DNAJB14: variants seen among roughly 807,000 people sequenced by gnomAD.
DNAJB14 encodes dnaJ homolog subfamily B member 14.
A neutral mutation model predicts 48.4 loss-of-function variants in DNAJB14; 22 were observed. The ratio of observed to expected loss-of-function variants is 0.45; its 90% CI spans 0.32 to 0.65. The LOEUF is 0.65. DNAJB14 is among the 30% of genes least tolerant of loss of function. The probability of loss-of-function intolerance (pLI) is 0.03; values close to 1 mark genes in which losing one functional copy is unlikely to be tolerated. For missense variants in DNAJB14, 319 were observed against 458.8 expected (o/e 0.70, Z 2.78); for synonymous variants, 142 against 158.7 (o/e 0.89, Z 0.79).
chr4:99,912,501 C>CA (rs1284657393), intron 3 of DNAJB14, among the ~76,000 whole-genome samples: 3 of 149,840 alleles, frequency 2.0e-5, no homozygotes, highest in Non-Finnish European at 4.4e-5. Flanking sequence ...TTTTTTAAGA[C>CA]AGAGTTTTGC....
chr4:99,910,675 A>G (rs1003507855), intron 3 of DNAJB14, among the ~76,000 whole-genome samples: 4 of 151,932 alleles, frequency 2.6e-5, no homozygotes, highest in Admixed American at 2.6e-4. Flanking sequence ...GCCAGAGTAA[A>G]TTTCTATTCA....
At position 99,897,545 on chromosome 4, in the gene DNAJB14, CTTTG is replaced by C. The variant is rs1438026835; in HGVS notation, c.*3479_*3482del. 1.3e-5 allele frequency: 2 copies of C among 151,922 alleles called. No homozygotes were observed. The highest frequency in any genetic ancestry group is 3.9e-4 in the East Asian group (2 of 5,182). The allele number at this position is 151,922 out of a possible 1,614,324, so 9.4% of individuals were successfully genotyped here. On this transcript the variant is annotated 3_prime_UTR_variant, in exon 8 of 8. Transcript: ENST00000442697. ...TGAAAAGCCTCATTCTATCCTTTTT[CTTTG>C]TAACTAAAAATTAGAATTTAAAATG... is the stretch of plus-strand genomic sequence containing the variant.
intron 1 of DNAJB14, among the ~76,000 whole-genome samples, chr4:99,940,604 TA>T (rs1439725685): frequency 2.6e-5 from 4 of 151,848 alleles, no homozygotes; most frequent in Non-Finnish European, 5.9e-5. Flanking sequence ...AATAAATAAA[TA>T]AATAAAATAA....
chr4:99,905,770 T>TTGTCATACATTTTG, intron 5 of DNAJB14, 64 bp from the exon 6 acceptor site: 4 of 1,516,044 alleles, frequency 2.6e-6, no homozygotes, highest in Non-Finnish European at 3.6e-6. Flanking sequence ...AATACAACAG[T>TTGTCATACATTTTG]TGTCATACAT....
chr4:99,906,513 G>T lies in DNAJB14; in HGVS notation c.732+4C>A. On this transcript the variant is annotated splice_donor_region_variant and intron_variant, in intron 5 of 7. Coordinates refer to ENST00000442697, the MANE Select transcript of DNAJB14 (RefSeq NM_001031723.4). ...CATTTTGTGATTTCTAGTCATAAAC[G>T]TACATCTCCTCTTTCCTCTTCTCTT... 1.2e-6 allele frequency: 2 copies of T among 1,610,218 alleles called. No homozygotes were observed. The highest frequency in any genetic ancestry group is 1.3e-5 in the African/African-American group (1 of 74,852).
chr4:99,943,770 A>C (rs1430225820), intron 1 of DNAJB14, among the ~76,000 whole-genome samples: 1 of 152,186 alleles, frequency 6.6e-6, no homozygotes, highest in Non-Finnish European at 1.5e-5. Flanking sequence ...CTAGATAATG[A>C]CTAAATGAAA....
rs1293001349 is a variant in DNAJB14 at position 99,923,861 on chromosome 4, T to A, written c.306-676A>T. On this transcript the variant is annotated intron_variant, in intron 2 of 7. Coordinates refer to ENST00000442697, the MANE Select transcript of DNAJB14 (RefSeq NM_001031723.4). ...GCCATCCCCGTTATGCCAAAGATAATTTATCTGTATCACTCTCTGAAAAAG... is the reference window on the plus strand; with the variant it reads ...GCCATCCCCGTTATGCCAAAGATAAATTATCTGTATCACTCTCTGAAAAAG... 3 of 985,024 alleles carry A rather than the reference T, an allele frequency of 3.0e-6. No individual in the cohort carries two copies. The African/African-American group carries it at 5.2e-5, about 17-fold the overall frequency. 61.0% of individuals were successfully genotyped at this position (985,024 alleles called of 1,614,324 possible). A position where few individuals can be genotyped will look rare whatever the true frequency, so the allele number is the denominator to read the frequency against.
At chr4:99,927,444 A>T (rs901606771) in intron 2 of DNAJB14, 8 of 152,192 alleles carry the variant, frequency 5.3e-5, no homozygotes. Flanking sequence ...CTTAAATCAA[A>T]TCTTAAATTC....
At chr4:99,919,772 T>C (rs564224329) in intron 3 of DNAJB14, among the ~76,000 whole-genome samples, 1 of 152,262 alleles carries the variant, frequency 6.6e-6, no homozygotes, top group East Asian at 1.9e-4. Flanking sequence ...TTGGGAGAAA[T>C]GGGGAAAAGT....
intron 2 of DNAJB14, among the ~76,000 whole-genome samples, chr4:99,923,528 C>G (rs1195960540): frequency 6.6e-6 from 1 of 152,040 alleles, no homozygotes; most frequent in African/African-American, 2.4e-5. Context: ...TTTTTTAGTA[C>G]TTGTAAGTGG....
At chr4:99,933,781 C>T (rs543271782) in intron 1 of DNAJB14, among the ~76,000 whole-genome samples, 3 of 152,160 alleles carry the variant, frequency 2.0e-5, no homozygotes, top group South Asian at 2.1e-4. Context: ...CAGAGAAAAC[C>T]TCATGCACAA....
chr4:99,921,140 T>C (rs1216134354), intron 3 of DNAJB14, among the ~76,000 whole-genome samples: 3 of 152,220 alleles, frequency 2.0e-5, no homozygotes, highest in African/African-American at 7.2e-5. Context: ...TTCTATGCAG[T>C]TTCCACTCAG....
At chr4:99,935,471 C>A (rs1017085456) in intron 1 of DNAJB14, among the ~76,000 whole-genome samples, 8 of 152,132 alleles carry the variant, frequency 5.3e-5, no homozygotes, top group Non-Finnish European at 1.2e-4. Context: ...ATAAAACAGG[C>A]TTTAGGAATC....
intron 2 of DNAJB14, chr4:99,926,378 T>C (rs550760583): frequency 6.6e-6 from 1 of 152,264 alleles, no homozygotes; most frequent in South Asian, 2.1e-4. Context: ...TCAAATGTGA[T>C]GAATGCTGTC....
intron 3 of DNAJB14, among the ~76,000 whole-genome samples, chr4:99,910,716 AT>A (rs1379064091): frequency 6.6e-6 from 1 of 151,870 alleles, no homozygotes; most frequent in Non-Finnish European, 1.5e-5. Context: ...TATAATCAAG[AT>A]TTTTTTGCAG....
chr4:99,942,745 T>C (rs1358201091), intron 1 of DNAJB14, among the ~76,000 whole-genome samples: 1 of 152,062 alleles, frequency 6.6e-6, no homozygotes, highest in Non-Finnish European at 1.5e-5. Flanking sequence ...CTGGCAAAAA[T>C]AAAATTTTAA....
intron 1 of DNAJB14, among the ~76,000 whole-genome samples, chr4:99,932,778 A>G (rs1456830828): frequency 6.6e-6 from 1 of 152,232 alleles, no homozygotes; most frequent in East Asian, 1.9e-4. Flanking sequence ...ATATCCAGAC[A>G]ATGAAATATT....
chr4:99,917,977 G>A (rs1725915869), intron 3 of DNAJB14, among the ~76,000 whole-genome samples: 1 of 151,928 alleles, frequency 6.6e-6, no homozygotes, highest in South Asian at 2.1e-4. Flanking sequence ...ATCAGTTTGG[G>A]GTTCATTCAA....
intron 3 of DNAJB14, among the ~76,000 whole-genome samples, chr4:99,921,579 A>C (rs1726063141): frequency 6.6e-6 from 1 of 152,226 alleles, no homozygotes; most frequent in Non-Finnish European, 1.5e-5. Flanking sequence ...CAGATCACAA[A>C]CATACAAATA....
Sources: allele counts gnomAD v4.1 joint callset (sites outside exome capture counted in the v4.1 genomes callset), GRCh38; gene constraint gnomAD v4.1.1; transcripts MANE v1.5; gene names NCBI Gene and HGNC (gene_info 2026-07-23, HGNC 2026-07-21).